TMEM150C: variants seen among roughly 807,000 people sequenced by gnomAD.
TMEM150C encodes the protein tentonin 3.
TMEM150C carries 10 observed loss-of-function variants against 29.9 expected under a neutral mutation model. The ratio of observed to expected loss-of-function variants is 0.33; its 90% CI spans 0.21 to 0.57. The LOEUF (loss-of-function observed/expected upper bound fraction) is 0.57, where lower values mean the gene tolerates loss of function less well. Ranked by LOEUF, TMEM150C falls within the 20% of genes least tolerant of loss-of-function variation. The probability of loss-of-function intolerance (pLI) is 0.88; values close to 1 mark genes in which losing one functional copy is unlikely to be tolerated. For synonymous variants in TMEM150C, 101 were observed against 112.5 expected (o/e 0.90, Z 0.64); for missense variants, 251 against 303.6 (o/e 0.83, Z 1.29).
intron 1 of TMEM150C, among the ~76,000 whole-genome samples, chr4:82,552,923 G>A (rs1390207491): frequency 1.3e-5 from 2 of 152,206 alleles, no homozygotes; most frequent in Admixed American, 6.5e-5. Flanking sequence ...TGCATCTTAG[G>A]GCAGCACAAG....
intron 1 of TMEM150C, among the ~76,000 whole-genome samples, chr4:82,540,421 A>G (rs1299733817): frequency 1.3e-5 from 2 of 151,598 alleles, no homozygotes. Flanking sequence ...GCTATTACCT[A>G]TTCTTTTAAT....
intron 1 of TMEM150C, among the ~76,000 whole-genome samples, chr4:82,522,505 T>C (rs1223473946): frequency 6.6e-6 from 1 of 152,206 alleles, no homozygotes; most frequent in Non-Finnish European, 1.5e-5. Flanking sequence ...ATGCATGAAA[T>C]CAAAATTTGT....
intron 1 of TMEM150C, among the ~76,000 whole-genome samples, chr4:82,525,928 AGT>A (rs1724637664): frequency 6.6e-6 from 1 of 152,154 alleles, no homozygotes; most frequent in African/African-American, 2.4e-5. Context: ...CTTTTCAGGC[AGT>A]GTTTTGCTCT....
chr4:82,519,022 C>G (rs943190131), intron 1 of TMEM150C, among the ~76,000 whole-genome samples: 1 of 152,146 alleles, frequency 6.6e-6, no homozygotes, highest in African/African-American at 2.4e-5. Flanking sequence ...AGAAGTTGAA[C>G]CATTAGCATT....
chr4:82,537,295 A>G (rs1398995524), intron 1 of TMEM150C, among the ~76,000 whole-genome samples: 1 of 152,166 alleles, frequency 6.6e-6, no homozygotes, highest in African/African-American at 2.4e-5. Flanking sequence ...CAACTTCACC[A>G]ATTATTAAAG....
In TMEM150C at chr4:82,495,013, T is replaced by C. The variant is rs116671942; in HGVS notation, c.363+1055A>G. On this transcript the variant is annotated intron_variant, in intron 6 of 7. Coordinates refer to ENST00000449862, the MANE Select transcript of TMEM150C (RefSeq NM_001080506.3). The stretch of plus-strand genomic sequence containing the variant: ...TTAGTACACTGCTTCTTCAGAGCAA[T>C]AGGCTGCTGTTTGTGCTGCAGGACA... 424 of 954,610 alleles carry C rather than the reference T, an allele frequency of 4.4e-4. 1 individual carries two copies. In the African/African-American group the frequency reaches 6.8e-3, roughly 15 times the overall value. The allele number at this position is 954,610 out of a possible 1,614,324, so 59.1% of individuals were successfully genotyped here. A position where few individuals can be genotyped will look rare whatever the true frequency, so the allele number is the denominator to read the frequency against.
chr4:82,524,430 C>G (rs139616145), intron 1 of TMEM150C, among the ~76,000 whole-genome samples: 3 of 152,134 alleles, frequency 2.0e-5, no homozygotes, highest in Admixed American at 1.3e-4. Flanking sequence ...GGGACCCCCA[C>G]GTTTCATTAT....
intron 1 of TMEM150C, among the ~76,000 whole-genome samples, chr4:82,542,342 A>G (rs1249604351): frequency 1.3e-5 from 2 of 152,240 alleles, no homozygotes; most frequent in Non-Finnish European, 2.9e-5. Context: ...GTGGGCAGTA[A>G]AAGTCTACAT....
intron 1 of TMEM150C, among the ~76,000 whole-genome samples, chr4:82,508,492 G>T (rs954761777): frequency 6.6e-6 from 1 of 151,404 alleles, no homozygotes; most frequent in Non-Finnish European, 1.5e-5. Flanking sequence ...TTGAGATGGG[G>T]TCTCACTCTG....
At chr4:82,518,458 C>T (rs1021153701) in intron 1 of TMEM150C, among the ~76,000 whole-genome samples, 1 of 152,222 alleles carries the variant, frequency 6.6e-6, no homozygotes, top group Non-Finnish European at 1.5e-5. Context: ...TCCTGGGCTA[C>T]CTCTATAGGA....
chr4:82,519,818 A>T (rs189503805), intron 1 of TMEM150C, among the ~76,000 whole-genome samples: 239 of 152,376 alleles, frequency 1.6e-3, no homozygotes, highest in African/African-American at 5.5e-3. Flanking sequence ...TAAAATAAAA[A>T]AATAGAACAA....
intron 1 of TMEM150C, among the ~76,000 whole-genome samples, chr4:82,523,740 T>G (rs908119924): frequency 3.3e-5 from 5 of 151,922 alleles, no homozygotes; most frequent in Admixed American, 3.3e-4. Flanking sequence ...TACAGTGACG[T>G]GATCTCAGCT....
chr4:82,518,318 A>G (rs1324032096), intron 1 of TMEM150C, among the ~76,000 whole-genome samples: 2 of 151,460 alleles, frequency 1.3e-5, no homozygotes, highest in African/African-American at 4.8e-5. Flanking sequence ...CCCATCTCAA[A>G]AAAAAAAAAA....
chr4:82,530,816 T>C (rs1252426232), intron 1 of TMEM150C, among the ~76,000 whole-genome samples: 2 of 152,194 alleles, frequency 1.3e-5, no homozygotes, highest in African/African-American at 2.4e-5. Context: ...TGGAGAGGCC[T>C]CAGGAAACTT....
chr4:82,501,370 G>C (rs1249436478), intron 5 of TMEM150C, among the ~76,000 whole-genome samples: 1 of 152,046 alleles, frequency 6.6e-6, no homozygotes, highest in Non-Finnish European at 1.5e-5. Flanking sequence ...ACTGCCAGGG[G>C]CATAAAGAGG....
intron 1 of TMEM150C, among the ~76,000 whole-genome samples, chr4:82,518,633 G>A (rs1189610540): frequency 1.3e-5 from 2 of 152,210 alleles, no homozygotes; most frequent in African/African-American, 2.4e-5. Flanking sequence ...AGACATACGA[G>A]GGGTTTCTCT....
In TMEM150C at chr4:82,553,822, T is replaced by C. The variant is rs186467368; in HGVS notation, c.-11+8084A>G. Among the ~76,000 whole-genome samples the C allele has an allele frequency of 1.3e-3, 203 of 152,384 alleles. 7 individuals are homozygous for C. The highest frequency in any genetic ancestry group is 0.013 in the Admixed American group (201 of 15,306). ...CCACTATTTGATCATAACTGTATCA[T>C]TCTGCGAATCAGTTAATGGAGAATT... On this transcript the variant is annotated intron_variant, in intron 1 of 7. Transcript: ENST00000449862.
At chr4:82,488,230 T>C (rs1285943222) in intron 7 of TMEM150C, among the ~76,000 whole-genome samples, 2 of 152,168 alleles carry the variant, frequency 1.3e-5, no homozygotes, top group African/African-American at 4.8e-5. Context: ...AGAATAATGG[T>C]CTCCAATTCC....
chr4:82,560,706 A>C (rs1219907039), intron 1 of TMEM150C, among the ~76,000 whole-genome samples: 1 of 152,208 alleles, frequency 6.6e-6, no homozygotes, highest in African/African-American at 2.4e-5. Context: ...GAGTTTATAA[A>C]TCCACACTCA....
Sources: allele counts gnomAD v4.1 joint callset (sites outside exome capture counted in the v4.1 genomes callset), GRCh38; gene constraint gnomAD v4.1.1; transcripts MANE v1.5; gene names NCBI Gene and HGNC (gene_info 2026-07-23, HGNC 2026-07-21).